The following LEMD1 variants were observed in gnomAD, a reference collection of about 807,000 sequenced individuals.
LEMD1 encodes the protein LEM domain containing 1.
LEMD1 carries 18 observed loss-of-function variants against 17.4 expected under a neutral mutation model. That is an observed-to-expected ratio of 1.04 (90% confidence interval 0.72 to 1.54). The LOEUF (loss-of-function observed/expected upper bound fraction) is 1.54. LEMD1 is among the 40% of genes most tolerant of loss of function. The pLI, the probability that LEMD1 is intolerant of heterozygous loss-of-function variation, is 0.00. For missense variants in LEMD1, 195 were observed against 210.4 expected (o/e 0.93, Z 0.45); for synonymous variants, 88 against 77.8 (o/e 1.13, Z -0.69).
intron 4 of LEMD1, among the ~76,000 whole-genome samples, chr1:205,389,033 CTTTCTTTTTT>C (rs1558707911): frequency 2.6e-5 from 2 of 77,090 alleles, no homozygotes; most frequent in Non-Finnish European, 2.7e-5. Flanking sequence ...AGTACATTTG[CTTTCTTTTTT>C]TTTTTTTTTT....
intron 4 of LEMD1, among the ~76,000 whole-genome samples, chr1:205,409,638 T>C (rs1244678200): frequency 6.6e-6 from 1 of 152,108 alleles, no homozygotes. Flanking sequence ...CCTCACTCTG[T>C]TGCCCAGGCT....
chr1:205,385,050 G>A (rs978400561), intron 4 of LEMD1, among the ~76,000 whole-genome samples: 7 of 152,012 alleles, frequency 4.6e-5, no homozygotes, highest in Admixed American at 6.6e-5. Flanking sequence ...TATCAGTGGA[G>A]AACTACGTGC....
At chr1:205,420,323 C>T (rs1665902553) in intron 2 of LEMD1, 132 bp downstream of exon 2, 2 of 697,866 alleles carry the variant, frequency 2.9e-6, no homozygotes, top group Non-Finnish European at 4.9e-6. Context: ...CCTCTTCCCT[C>T]TTTGTGGTTT....
At position 205,381,706 on chromosome 1, in the gene LEMD1, A is replaced by G; in HGVS notation, c.498T>C (p.Ile166=). ...LKLAVLGIFI[I]VVFVYLTVEN... The stretch of plus-strand genomic sequence containing the variant: ...CCACAGTCAGGTAGACAAACACCAC[A>G]ATGATGAAAATACCAAGCACAGCAA... Residue 166 remains isoleucine (I), a synonymous_variant, in exon 6 of 6, where the codon ATT becomes ATC. Coordinates refer to ENST00000367153, the MANE Select transcript of LEMD1 (RefSeq NM_001199050.2). 6.2e-7 allele frequency: 1 copy of G among 1,614,250 alleles called. No homozygotes were observed. Among genetic ancestry groups the G allele is most frequent in the Non-Finnish European group, 8.5e-7 (1 of 1,180,046 alleles).
chr1:205,402,918 T>C (rs1664918539), intron 4 of LEMD1, among the ~76,000 whole-genome samples: 1 of 152,062 alleles, frequency 6.6e-6, no homozygotes, highest in South Asian at 2.1e-4. Context: ...GAAGGGTTGT[T>C]GAATTTTGTC....
chr1:205,434,706 C>T (rs945305653), intron 1 of LEMD1, among the ~76,000 whole-genome samples: 1 of 152,106 alleles, frequency 6.6e-6, no homozygotes, highest in East Asian at 1.9e-4. Context: ...TCCTTCTTGG[C>T]CCCAACACCT....
intron 4 of LEMD1, among the ~76,000 whole-genome samples, chr1:205,395,535 G>A (rs1303093675): frequency 3.3e-5 from 5 of 151,324 alleles, no homozygotes; most frequent in South Asian, 2.1e-4. Context: ...TGGATGTTGC[G>A]GTGAGCCAAG....
intron 4 of LEMD1, among the ~76,000 whole-genome samples, chr1:205,404,547 T>C (rs1665001170): frequency 6.6e-6 from 1 of 152,196 alleles, no homozygotes; most frequent in African/African-American, 2.4e-5. Flanking sequence ...TGTTTTCCAT[T>C]TGCTTGGTAG....
At chr1:205,384,724 A>C (rs1225295008) in intron 4 of LEMD1, among the ~76,000 whole-genome samples, 1 of 152,198 alleles carries the variant, frequency 6.6e-6, no homozygotes, top group African/African-American at 2.4e-5. Context: ...TCTACAAAGA[A>C]TAAAGTAATT....
At chr1:205,415,789 C>T (rs150152901) in intron 4 of LEMD1, among the ~76,000 whole-genome samples, 3 of 152,324 alleles carry the variant, frequency 2.0e-5, no homozygotes, top group Admixed American at 2.0e-4. Context: ...ACCCCAAAAC[C>T]TGTAACCCTC....
chr1:205,406,315 C>T (rs1031265118), intron 4 of LEMD1, among the ~76,000 whole-genome samples: 4 of 152,240 alleles, frequency 2.6e-5, no homozygotes, highest in African/African-American at 9.6e-5. Context: ...AGAGGTGGAG[C>T]CTACAGAGGC....
intron 2 of LEMD1, 134 bp from the exon 3 acceptor site, chr1:205,419,486 G>GAC: frequency 9.7e-7 from 1 of 1,025,732 alleles, no homozygotes; most frequent in Non-Finnish European, 1.4e-6. Context: ...TTTTATTTGA[G>GAC]ACAGGGTCTC....
At chr1:205,445,603 G>A (rs931110145) in intron 1 of LEMD1, among the ~76,000 whole-genome samples, 3 of 152,000 alleles carry the variant, frequency 2.0e-5, no homozygotes, top group Non-Finnish European at 2.9e-5. Flanking sequence ...CACTTTTCCA[G>A]ACTGCAAGGG....
chr1:205,420,642 C>G, intron 1 of LEMD1, 68 bp from the exon 2 acceptor site: 1 of 856,066 alleles, frequency 1.2e-6, no homozygotes, highest in Non-Finnish European at 1.9e-6. Flanking sequence ...GTTACCAATC[C>G]ACATAAGTGT....
At chr1:205,391,638 A>AC (rs1664341009) in intron 4 of LEMD1, among the ~76,000 whole-genome samples, 1 of 152,142 alleles carries the variant, frequency 6.6e-6, no homozygotes, top group Non-Finnish European at 1.5e-5. Flanking sequence ...AATGGAGCGC[A>AC]CATGGGAGCC....
chr1:205,427,937 A>G (rs1482146754), intron 1 of LEMD1, among the ~76,000 whole-genome samples: 1 of 152,202 alleles, frequency 6.6e-6, no homozygotes, highest in Admixed American at 6.5e-5. Flanking sequence ...AGAGCATTAT[A>G]ACGGTTCCTG....
intron 1 of LEMD1, among the ~76,000 whole-genome samples, chr1:205,421,143 A>T (rs1484263391): frequency 1.3e-5 from 2 of 152,158 alleles, no homozygotes; most frequent in East Asian, 3.8e-4. Flanking sequence ...CTGAATTGGC[A>T]TTTGAAAAAA....
At chr1:205,424,618 A>G (rs192597150), upstream of LEMD1, among the ~76,000 whole-genome samples, 127 of 152,350 alleles carry the variant, frequency 8.3e-4, no homozygotes, top group African/African-American at 2.9e-3. Flanking sequence ...GGAGCCCAGA[A>G]TCTGAACCAT....
chr1:205,430,775 G>A (rs571186623), intron 1 of LEMD1, among the ~76,000 whole-genome samples: 4 of 152,356 alleles, frequency 2.6e-5, no homozygotes, highest in Admixed American at 1.3e-4. Flanking sequence ...TCAGGCCGCG[G>A]CTCCAGCCGC....
Sources: gnomAD v4.1 joint callset for allele counts (sites outside exome capture counted in the v4.1 genomes callset) on GRCh38, gnomAD v4.1.1 for gene constraint, MANE v1.5 for transcripts, NCBI Gene and HGNC (gene_info 2026-07-23, HGNC 2026-07-21) for gene names.